Variants in DIS3L2 observed in about 807,000 individuals in gnomAD.
The protein encoded by DIS3L2 is DIS3 like 3'-5' exoribonuclease 2.
Under a neutral mutation model 97.5 loss-of-function variants are expected in DIS3L2, and 34 were observed. The observed-to-expected ratio is 0.35, with a 90% CI of 0.27 to 0.46. The LOEUF (loss-of-function observed/expected upper bound fraction) is 0.46, where lower values mean the gene tolerates loss of function less well. Ranked by LOEUF, DIS3L2 falls within the 20% of genes least tolerant of loss-of-function variation. The pLI is 1.00. For missense variants in DIS3L2, 1,038 were observed against 1,146.0 expected, an observed-to-expected ratio of 0.91 and a Z score of 1.36; for synonymous variants, 435 against 445.2, an observed-to-expected ratio of 0.98 and a Z score of 0.29.
intron 1 of DIS3L2, among the ~76,000 whole-genome samples, chr2:232,006,320 T>C (rs1240624402): frequency 6.6e-6 from 1 of 152,240 alleles, no homozygotes; most frequent in African/African-American, 2.4e-5. Context: ...TTATGGTACA[T>C]ACACCGTTGT....
intron 1 of DIS3L2, among the ~76,000 whole-genome samples, chr2:231,987,873 C>G (rs1205999780): frequency 6.6e-6 from 1 of 151,894 alleles, no homozygotes; most frequent in Non-Finnish European, 1.5e-5. Context: ...GAGTTTCGCT[C>G]TTGTTGCCCA....
chr2:232,313,509 C>G (rs986443159), intron 14 of DIS3L2, among the ~76,000 whole-genome samples: 5 of 152,222 alleles, frequency 3.3e-5, no homozygotes, highest in Non-Finnish European at 5.9e-5. Flanking sequence ...AACCCATGCT[C>G]TCTTTACTGC....
intron 5 of DIS3L2, among the ~76,000 whole-genome samples, chr2:232,084,445 G>C (rs771176896): frequency 6.6e-6 from 1 of 152,156 alleles, no homozygotes; most frequent in Admixed American, 6.5e-5. Context: ...TGATTGTCAT[G>C]TTGATGCTCA....
In DIS3L2 at chr2:232,145,215, A is replaced by G. The variant is rs192804489; in HGVS notation, c.950+8496A>G. Among the ~76,000 whole-genome samples, 466 of 152,256 alleles carry G rather than the reference A, an allele frequency of 3.1e-3. 3 individuals carry two copies. Among genetic ancestry groups the G allele is most frequent in the Admixed American group, 7.4e-3 (113 of 15,280 alleles). On this transcript the variant is annotated intron_variant, in intron 8 of 20. Coordinates refer to ENST00000325385, the MANE Select transcript of DIS3L2 (RefSeq NM_152383.5). ...CCAGAAAGTAATCTTTTTAGCAGTC[A>G]CTGATATGGAAATTATCTTCTCTCC...
chr2:232,179,601 G>A (rs1344047762), intron 9 of DIS3L2, among the ~76,000 whole-genome samples: 1 of 31,682 alleles, frequency 3.2e-5, no homozygotes, highest in Admixed American at 3.6e-4. Flanking sequence ...TTTGCGTAGA[G>A]GTGTTTGTAG....
exon 14 of DIS3L2, chr2:232,343,376 T>C: frequency 1.9e-6 from 3 of 1,557,032 alleles, no homozygotes; most frequent in Non-Finnish European, 2.6e-6. Context: ...GCTGCCCATC[T>C]TCAGGCCTCT....
chr2:232,212,241 G>A lies in DIS3L2; in HGVS notation c.1204+1836G>A, dbSNP rs374785258. Among the ~76,000 whole-genome samples, 4 of 152,358 alleles carry A rather than the reference G, an allele frequency of 2.6e-5. No individual in the cohort carries two copies. In the East Asian group the frequency reaches 7.7e-4, roughly 29 times the overall value. On this transcript the variant is annotated intron_variant, in intron 10 of 20. Transcript: ENST00000325385. ...ACACCACTTCCCTGAGCCACAGTGT[G>A]GAAAGTGCCCCTAGGCTGAAAGCCA...
At chr2:232,064,621 G>A (rs1695803926) in intron 5 of DIS3L2, among the ~76,000 whole-genome samples, 1 of 152,118 alleles carries the variant, frequency 6.6e-6, no homozygotes, top group Non-Finnish European at 1.5e-5. Flanking sequence ...TTATGAAGTG[G>A]TTTTCCAAAG....
At chr2:232,305,667 A>G (rs1396339661) in intron 14 of DIS3L2, among the ~76,000 whole-genome samples, 1 of 152,104 alleles carries the variant, frequency 6.6e-6, no homozygotes, top group African/African-American at 2.4e-5. Flanking sequence ...TCATAAGATC[A>G]TCTTAGGCTG....
chr2:232,032,743 A>G (rs1376477176), intron 5 of DIS3L2, among the ~76,000 whole-genome samples: 1 of 152,198 alleles, frequency 6.6e-6, no homozygotes, highest in Non-Finnish European at 1.5e-5. Context: ...TTTATTAAGT[A>G]GGGAATCCTT....
rs772470899 is a variant in DIS3L2 at position 232,136,565 on chromosome 2, G to T, written c.796G>T (p.Ala266Ser). ...DKNSELFRKY[A>S]LFSPSDHRVP... ...GAACAGCGAACTGTTTAGGAAATAC[G>T]CCCTGTTTTCTCCCTCAGACCACCG... The change falls in exon 8 of 21, where the codon GCC becomes TCC. Residue 266 changes from alanine (A) to serine (S), a missense_variant. This residue lies in a region of DIS3L2 where 813 missense variants were observed against 880.1 expected (regional missense o/e 0.92). Coordinates refer to ENST00000325385, the MANE Select transcript of DIS3L2 (RefSeq NM_152383.5). 6.2e-7 allele frequency: 1 copy of T among 1,613,850 alleles called. No individual in the cohort carries two copies.
chr2:232,110,340 T>C (rs1184199768), intron 6 of DIS3L2, among the ~76,000 whole-genome samples: 1 of 152,194 alleles, frequency 6.6e-6, no homozygotes, highest in Non-Finnish European at 1.5e-5. Context: ...ATCTCATTAC[T>C]TGATATATAC....
Position 232,329,888 on chromosome 2 carries a change from C to T in DIS3L2, c.1815C>T (p.Ala605=), listed in dbSNP as rs2106347997. The change falls in exon 15 of 21, where the codon GCC becomes GCT. Residue 605 remains alanine (A), a synonymous_variant. Transcript: ENST00000325385. ...TCCACCGCGCCTTCCCCGAGCAGGC[C>T]CTGCTGCGCCGGCACCCCCCGCCCC... ...HKIHRAFPEQ[A]LLRRHPPPQT... is the part of the protein sequence containing the mutation. 1 of 1,612,286 alleles carries T rather than the reference C, an allele frequency of 6.2e-7. No individual in the cohort carries two copies. The highest frequency in any genetic ancestry group is 8.5e-7 in the Non-Finnish European group (1 of 1,179,486).
At chr2:232,332,593 G>C (rs1695770659) in intron 16 of DIS3L2, among the ~76,000 whole-genome samples, 1 of 151,804 alleles carries the variant, frequency 6.6e-6, no homozygotes, top group Admixed American at 6.6e-5. Context: ...GCCCCAGCTG[G>C]GACGGGCTAT....
intron 9 of DIS3L2, among the ~76,000 whole-genome samples, chr2:232,181,756 A>T (rs1000085749): frequency 7.9e-5 from 12 of 152,066 alleles, no homozygotes; most frequent in African/African-American, 2.9e-4. Flanking sequence ...CTCCTGTGTC[A>T]ACCTCCAGAT....
rs1693936951 is a variant in DIS3L2 at position 232,269,757 on chromosome 2, A to AGAGG, written c.1659+6320_1659+6321insGGAG. Among the ~76,000 whole-genome samples the AGAGG allele has an allele frequency of 6.6e-6, 1 of 151,466 alleles. No individual in the cohort carries two copies. Among genetic ancestry groups the AGAGG allele is most frequent in the Non-Finnish European group, 1.5e-5 (1 of 67,906 alleles). ...CCAGGGTGTGTGGTGTAGGGTGCAG[A>AGAGG]GAGAGAGAGGAGCTAGAGGAGACAC... On this transcript the variant is annotated intron_variant, in intron 13 of 20. Transcript: ENST00000325385. The surrounding 1 kb of genome is among the most constrained non-coding windows in gnomAD (Gnocchi z 4.5).
chr2:232,226,925 G>A (rs747240360), intron 10 of DIS3L2, among the ~76,000 whole-genome samples: 22 of 152,008 alleles, frequency 1.4e-4, no homozygotes, highest in African/African-American at 2.2e-4. Flanking sequence ...GGCCATGATC[G>A]TGCCACTGCA....
chr2:232,157,189 T>C (rs1057166598), intron 8 of DIS3L2, among the ~76,000 whole-genome samples: 10 of 152,198 alleles, frequency 6.6e-5, no homozygotes, highest in Non-Finnish European at 8.8e-5. Flanking sequence ...GAATCATAAT[T>C]ATGTCCCCAG....
chr2:232,088,390 CAAAAAA>C (rs778505065), intron 6 of DIS3L2, among the ~76,000 whole-genome samples: 1 of 55,698 alleles, frequency 1.8e-5, no homozygotes, highest in South Asian at 6.3e-4. Flanking sequence ...ACTAAAAATA[CAAAAAA>C]AAAAAAAAAA....
Sources: gnomAD v4.1 joint callset for allele counts (sites outside exome capture counted in the v4.1 genomes callset) on GRCh38, gnomAD v4.1.1 for gene constraint, gnomAD v4.1.1 regional missense constraint, Gnocchi (gnomAD v3.1) non-coding constraint, MANE v1.5 for transcripts, NCBI Gene and HGNC (gene_info 2026-07-23, HGNC 2026-07-21) for gene names.